The following EHF variants were observed in gnomAD, a reference collection of about 807,000 sequenced individuals.
EHF encodes the protein ETS homologous factor.
EHF carries 14 observed loss-of-function variants against 45.1 expected under a neutral mutation model. That is an observed-to-expected ratio of 0.31 (90% CI 0.21 to 0.49). The LOEUF (loss-of-function observed/expected upper bound fraction) is 0.49. Ranked by LOEUF, EHF falls within the 20% of genes least tolerant of loss-of-function variation. EHF has a pLI of 0.99. For synonymous variants in EHF, 136 were observed against 131.8 expected (o/e 1.03, Z -0.22); for missense variants, 282 against 371.4 (o/e 0.76, Z 1.98).
At chr11:34,648,669 G>A (rs1471177487) in intron 3 of EHF, among the ~76,000 whole-genome samples, 1 of 152,170 alleles carries the variant, frequency 6.6e-6, no homozygotes, top group Non-Finnish European at 1.5e-5. Context: ...TCTTGTTACA[G>A]ATGGGGAAAC....
chr11:34,634,391 CAG>C (rs1853193646), intron 1 of EHF, among the ~76,000 whole-genome samples: 1 of 152,216 alleles, frequency 6.6e-6, no homozygotes, highest in Non-Finnish European at 1.5e-5. Flanking sequence ...CCTTTGGCTT[CAG>C]AGGTAAAAAT....
At chr11:34,653,960 G>C (rs371510796) in intron 6 of EHF, among the ~76,000 whole-genome samples, 1 of 152,108 alleles carries the variant, frequency 6.6e-6, no homozygotes, top group Non-Finnish European at 1.5e-5. Context: ...GCCCGCTGCC[G>C]GTGTCCTGTT....
chr11:34,624,160 C>A (rs950828627), intron 1 of EHF: 4 of 431,050 alleles, frequency 9.3e-6, no homozygotes, highest in Non-Finnish European at 1.2e-5. Context: ...TTGTTAAGAT[C>A]GCTCTCTGGT....
At chr11:34,623,901 A>T (rs1852155370) in intron 1 of EHF, among the ~76,000 whole-genome samples, 1 of 152,180 alleles carries the variant, frequency 6.6e-6, no homozygotes, top group South Asian at 2.1e-4. Context: ...ACAGACATAG[A>T]AGCTTGTACA....
At chr11:34,632,664 T>C (rs1853008100) in intron 1 of EHF, 1 of 1,535,442 alleles carries the variant, frequency 6.5e-7, no homozygotes, top group Non-Finnish European at 8.7e-7. Flanking sequence ...TTGGTCATTC[T>C]CAAATGCCAG....
Position 34,642,666 on chromosome 11 carries a change from C to T in EHF, c.36C>T (p.Asn12=). ...AAGGAGGTGGTGTAATGAATCTCAACCCCGGCAACAACCTCCTTCACCAGC... is the reference window on the plus strand; with the variant it reads ...AAGGAGGTGGTGTAATGAATCTCAATCCCGGCAACAACCTCCTTCACCAGC... ...ILEGGGVMNL[N]PGNNLLHQPP... is the part of the protein sequence containing the mutation. Residue 12 remains asparagine (N), a synonymous_variant, in exon 2 of 9, where the codon AAC becomes AAT. Coordinates refer to ENST00000257831, the MANE Select transcript of EHF (RefSeq NM_012153.6). 3 of 1,614,006 alleles carry T rather than the reference C, an allele frequency of 1.9e-6. No individual in the cohort carries two copies. The highest frequency in any genetic ancestry group is 2.5e-6 in the Non-Finnish European group (3 of 1,179,956).
At chr11:34,635,786 A>G (rs932281715) in intron 1 of EHF, among the ~76,000 whole-genome samples, 3 of 149,172 alleles carry the variant, frequency 2.0e-5, no homozygotes, top group African/African-American at 7.4e-5. Context: ...TTAGGAGCAT[A>G]TGCCTTACCA....
Position 34,642,376 on chromosome 11 carries a change from C to T in EHF, c.-3-252C>T, listed in dbSNP as rs1036891222. 2.3e-5 allele frequency: 8 copies of T among 351,740 alleles called. No individual in the cohort carries two copies. The Admixed American group carries it at 2.4e-4, about 11-fold the overall frequency. 21.8% of individuals were successfully genotyped at this position (351,740 alleles called of 1,614,324 possible). ...ATTGCATTTTCCTCCCGCTTCATTCCTGATCAGAGATTATTCATTTATGAA... is the reference window on the plus strand; with the variant it reads ...ATTGCATTTTCCTCCCGCTTCATTCTTGATCAGAGATTATTCATTTATGAA... On this transcript the variant is annotated intron_variant, in intron 1 of 8. Coordinates refer to ENST00000257831, the MANE Select transcript of EHF (RefSeq NM_012153.6).
chr11:34,621,599 T>C (rs1472642378), intron 1 of EHF, among the ~76,000 whole-genome samples: 2 of 152,222 alleles, frequency 1.3e-5, no homozygotes, highest in Non-Finnish European at 2.9e-5. Context: ...GAAGAAGTGG[T>C]TGGCTAAGTA....
In EHF at chr11:34,660,628, A is replaced by G. The variant is rs181274531; in HGVS notation, c.*1697A>G. On this transcript the variant is annotated 3_prime_UTR_variant, in exon 9 of 9. Transcript: ENST00000257831. ...AGCACAGGAATAAGTAGACACTTTG[A>G]AAATGGATTTGAATGTTCTCATCCC... 6.6e-6 allele frequency: 1 copy of G among 152,296 alleles called. No individual in the cohort carries two copies. The highest frequency in any genetic ancestry group is 1.9e-4 in the East Asian group (1 of 5,188). 9.4% of individuals were successfully genotyped at this position (152,296 alleles called of 1,614,324 possible). A position where few individuals can be genotyped will look rare whatever the true frequency, so the allele number is the denominator to read the frequency against.
At chr11:34,645,439 T>C (rs1854419971) in intron 2 of EHF, among the ~76,000 whole-genome samples, 1 of 152,236 alleles carries the variant, frequency 6.6e-6, no homozygotes, top group Admixed American at 6.5e-5. Flanking sequence ...GAGCATCTAC[T>C]ATGACAAAGT....
intron 1 of EHF, among the ~76,000 whole-genome samples, chr11:34,631,323 C>T (rs879845443): frequency 2.6e-5 from 4 of 152,190 alleles, no homozygotes; most frequent in Non-Finnish European, 4.4e-5. Flanking sequence ...TGAGCCACTG[C>T]GCCCGGCCAA....
chr11:34,646,141 A>G (rs140993090), intron 2 of EHF, among the ~76,000 whole-genome samples: 8 of 151,966 alleles, frequency 5.3e-5, no homozygotes, highest in African/African-American at 1.9e-4. Flanking sequence ...TATGGACAAT[A>G]AGCTAATAAA....
chr11:34,653,892 G>A (rs143904732), intron 6 of EHF, among the ~76,000 whole-genome samples: 1 of 152,260 alleles, frequency 6.6e-6, no homozygotes, highest in Non-Finnish European at 1.5e-5. Context: ...TGTGATAAAC[G>A]CAGGTGGGGA....
rs1406850811 is a variant in EHF, at chr11:34,661,730, A to G, written c.*2799A>G. Reference sequence around the variant, plus strand: ...AAAGGGAGAGCAAAGTCTTATGGATAAACCCTCCTTTCTTTTGGGGACACA... The same window carrying G: ...AAAGGGAGAGCAAAGTCTTATGGATGAACCCTCCTTTCTTTTGGGGACACA... On this transcript the variant is annotated 3_prime_UTR_variant, in exon 9 of 9. Transcript: ENST00000257831. 6.6e-6 allele frequency among the ~76,000 whole-genome samples: 1 copy of G among 152,138 alleles called. No homozygotes were observed. The highest frequency in any genetic ancestry group is 1.5e-5 in the Non-Finnish European group (1 of 68,018).
intron 6 of EHF, among the ~76,000 whole-genome samples, chr11:34,654,368 A>G (rs1370990920): frequency 6.6e-6 from 1 of 152,226 alleles, no homozygotes; most frequent in Non-Finnish European, 1.5e-5. Flanking sequence ...ATCCTAGGGC[A>G]GAAGAAGGAC....
In EHF at chr11:34,660,806, C is replaced by G. The variant is rs796253317; in HGVS notation, c.*1875C>G. 5.1e-4 allele frequency: 77 copies of G among 152,196 alleles called. No individual in the cohort carries two copies. Among genetic ancestry groups the G allele is most frequent in the African/African-American group, 1.8e-3 (75 of 41,544 alleles). The allele number at this position is 152,196 out of a possible 1,614,324, so 9.4% of individuals were successfully genotyped here. A position where few individuals can be genotyped will look rare whatever the true frequency, so the allele number is the denominator to read the frequency against. On this transcript the variant is annotated 3_prime_UTR_variant, in exon 9 of 9. Transcript: ENST00000257831. ...TAGAGCACCTACCACAGTGTCATAC[C>G]TGGTAGAGGTGAGCAATTCATATTC... is the stretch of plus-strand genomic sequence containing the variant.
In EHF at chr11:34,647,084, A is replaced by ACC. The variant is rs143509295; in HGVS notation, c.343+407_343+408dup. On this transcript the variant is annotated intron_variant, in intron 3 of 8. Transcript: ENST00000257831. ...AAAACAAAAAACAAAACAAAACAAAACCCCCCCCACACACACACACAAAGA... is the reference window on the plus strand; with the variant it reads ...AAAACAAAAAACAAAACAAAACAAAACCCCCCCCCCACACACACACACAAAGA... 2.5e-3 allele frequency among the ~76,000 whole-genome samples: 345 copies of ACC among 137,044 alleles called. 7 individuals are homozygous for ACC. The highest frequency in any genetic ancestry group is 7.5e-3 in the Middle Eastern group (2 of 266). The allele number at this position is 137,044 out of a possible 152,430, so 89.9% of individuals were successfully genotyped here. A position where few individuals can be genotyped will look rare whatever the true frequency, so the allele number is the denominator to read the frequency against.
chr11:34,639,184 C>T (rs1229036909), intron 1 of EHF, among the ~76,000 whole-genome samples: 1 of 152,056 alleles, frequency 6.6e-6, no homozygotes, highest in Non-Finnish European at 1.5e-5. Context: ...AGAGTCTAAC[C>T]CAGGAATCTC....
Sources: allele counts gnomAD v4.1 joint callset (sites outside exome capture counted in the v4.1 genomes callset), GRCh38; gene constraint gnomAD v4.1.1; transcripts MANE v1.5; gene names NCBI Gene and HGNC (gene_info 2026-07-23, HGNC 2026-07-21).